PICALM: variants seen among roughly 807,000 people sequenced by gnomAD.
PICALM encodes phosphatidylinositol-binding clathrin assembly protein.
PICALM carries 40 observed loss-of-function variants against 80.5 expected under a neutral mutation model. The ratio of observed to expected loss-of-function variants is 0.50; its 90% CI spans 0.39 to 0.65. PICALM has a LOEUF of 0.65. Ranked by LOEUF, PICALM falls within the 30% of genes least tolerant of loss-of-function variation. PICALM has a pLI of 0.00. For synonymous variants in PICALM, 288 were observed against 260.3 expected (o/e 1.11, Z -1.02); for missense variants, 676 against 778.9 (o/e 0.87, Z 1.57).
chr11:85,995,648 A>T (rs2094935910), intron 12 of PICALM, among the ~76,000 whole-genome samples: 1 of 152,216 alleles, frequency 6.6e-6, no homozygotes, highest in African/African-American at 2.4e-5. Context: ...AAAGACTACT[A>T]CATTTCTTTA....
In PICALM at chr11:85,976,678, G is replaced by A; in HGVS notation, c.1784C>T (p.Pro595Leu). Reference protein sequence around the residue: ...TTAWNAATMAPPVMAYPATTP... With the variant: ...TTAWNAATMALPVMAYPATTP... ...AGTAGCAGGATAGGCCATTACAGGG[G>A]GTGCCTAACATAGTGAAAGGAAAAA... The change falls in exon 18 of 20, where the codon CCC (proline) becomes CTC (leucine). Residue 595 changes from proline (P) to leucine (L), a missense_variant. This residue lies in a region of PICALM where 391 missense variants were observed against 383.6 expected (regional missense o/e 1.02). Transcript: ENST00000393346. 1 of 1,586,978 alleles carries A rather than the reference G, an allele frequency of 6.3e-7. No homozygotes were observed. Among genetic ancestry groups the A allele is most frequent in the Non-Finnish European group, 8.7e-7 (1 of 1,155,788 alleles).
At chr11:86,065,456 T>A (rs554743117) in intron 1 of PICALM, among the ~76,000 whole-genome samples, 3 of 107,326 alleles carry the variant, frequency 2.8e-5, no homozygotes, top group South Asian at 4.7e-4. Context: ...AAAAAAAAAA[T>A]TTGTTTTTTC....
At chr11:86,044,986 A>G (rs1329454698) in intron 1 of PICALM, among the ~76,000 whole-genome samples, 1 of 152,240 alleles carries the variant, frequency 6.6e-6, no homozygotes, top group African/African-American at 2.4e-5. Flanking sequence ...GCCACTGAGT[A>G]ACAAGTGAAA....
chr11:85,981,730 AT>A lies in PICALM; in HGVS notation c.1679+14del, dbSNP rs2094448436. 1 of 1,590,580 alleles carries A rather than the reference AT, an allele frequency of 6.3e-7. No homozygotes were observed. ...ATAACACACGGAGAAAACAATGTGT[AT>A]ATTAAACACTCACTTCTTAGTGGTT... On this transcript the variant is annotated intron_variant, in intron 16 of 19. Coordinates refer to ENST00000393346, the MANE Select transcript of PICALM (RefSeq NM_007166.4).
chr11:86,031,091 C>T (rs548403362), intron 2 of PICALM, among the ~76,000 whole-genome samples: 1 of 152,286 alleles, frequency 6.6e-6, no homozygotes, highest in East Asian at 1.9e-4. Context: ...GCACCTCAGC[C>T]TGGGCAACAA....
intron 2 of PICALM, 104 bp from the exon 3 acceptor site, chr11:86,026,471 C>A: frequency 1.5e-6 from 1 of 646,272 alleles, no homozygotes; most frequent in South Asian, 1.8e-5. Flanking sequence ...TTAAGCTTAT[C>A]TAGTTTAAAT....
In PICALM at chr11:86,014,982, A is replaced by G. The variant is rs747671787; in HGVS notation, c.453-19T>C. On this transcript the variant is annotated intron_variant, in intron 4 of 19. Transcript: ENST00000393346. ...ATCAGCCCTGTTATGAAAAAACCAG[A>G]GAAATAAACAAATGAATCTGCAATT... 12 of 1,430,272 alleles carry G rather than the reference A, an allele frequency of 8.4e-6. 1 individual carries two copies. In the Admixed American group the frequency reaches 2.3e-4, roughly 28 times the overall value. 88.6% of individuals were successfully genotyped at this position (1,430,272 alleles called of 1,614,324 possible).
intron 7 of PICALM, among the ~76,000 whole-genome samples, chr11:86,009,584 C>T (rs1406597053): frequency 9.2e-5 from 14 of 152,038 alleles, no homozygotes; most frequent in African/African-American, 7.3e-5. Context: ...CCCAGCTACT[C>T]GGGAGGCTGA....
intron 1 of PICALM, among the ~76,000 whole-genome samples, chr11:86,062,334 T>C (rs2096381041): frequency 1.3e-5 from 2 of 152,094 alleles, no homozygotes; most frequent in Non-Finnish European, 2.9e-5. Flanking sequence ...CTGGCCAACA[T>C]GGTGAAGCCC....
chr11:86,008,446 C>T (rs1342148908), intron 7 of PICALM, among the ~76,000 whole-genome samples: 1 of 151,850 alleles, frequency 6.6e-6, no homozygotes, highest in East Asian at 1.9e-4. Flanking sequence ...ACAGTGAAAC[C>T]CCAGCTCTAC....
At chr11:86,043,008 G>A (rs997664190) in intron 1 of PICALM, among the ~76,000 whole-genome samples, 6 of 152,104 alleles carry the variant, frequency 3.9e-5, no homozygotes, top group African/African-American at 7.2e-5. Context: ...ATGACCAACC[G>A]TCCTGGTTTT....
intron 12 of PICALM, among the ~76,000 whole-genome samples, chr11:85,990,719 T>C (rs1376091974): frequency 6.6e-6 from 1 of 152,158 alleles, no homozygotes; most frequent in Non-Finnish European, 1.5e-5. Flanking sequence ...TTCCCTGTCC[T>C]AGGTGAGTGT....
intron 4 of PICALM, 113 bp from the exon 5 acceptor site, chr11:86,015,076 A>T (rs2095458805): frequency 3.1e-6 from 2 of 642,100 alleles, no homozygotes; most frequent in Non-Finnish European, 5.2e-6. Context: ...ATGAAATGTC[A>T]CATATTTTTA....
chr11:85,961,445 G>A (rs145520219), intron 19 of PICALM, among the ~76,000 whole-genome samples: 309 of 152,236 alleles, frequency 2.0e-3, no homozygotes, highest in African/African-American at 7.1e-3. Context: ...CTTCCTGTTT[G>A]GACAAATTTA....
At chr11:86,009,572 A>G (rs181756705) in intron 7 of PICALM, among the ~76,000 whole-genome samples, 244 of 152,234 alleles carry the variant, frequency 1.6e-3, no homozygotes, top group African/African-American at 5.5e-3. Context: ...GGCACCTGCA[A>G]TCCCAGCTAC....
At chr11:86,030,878 G>A (rs1398837200) in intron 2 of PICALM, among the ~76,000 whole-genome samples, 1 of 152,306 alleles carries the variant, frequency 6.6e-6, no homozygotes, top group East Asian at 1.9e-4. Flanking sequence ...ACTTTGGGAG[G>A]CTAAGGTGGG....
In PICALM at chr11:86,039,851, A is replaced by C. The variant is rs142745804; in HGVS notation, c.131-8240T>G. Among the ~76,000 whole-genome samples, 468 of 152,066 alleles carry C rather than the reference A, an allele frequency of 3.1e-3. 2 individuals carry two copies. The highest frequency in any genetic ancestry group is 0.011 in the African/African-American group (438 of 41,476). On this transcript the variant is annotated intron_variant, in intron 1 of 19. Coordinates refer to ENST00000393346, the MANE Select transcript of PICALM (RefSeq NM_007166.4). ...ATCCCATCTCTACTAAAAATACAAA[A>C]AAATTAGCTGGGCATGGTGGCGGGA...
intron 12 of PICALM, among the ~76,000 whole-genome samples, chr11:85,991,110 T>C (rs1343258825): frequency 6.6e-6 from 1 of 152,196 alleles, no homozygotes; most frequent in East Asian, 1.9e-4. Flanking sequence ...TATCTAAAGT[T>C]ATTCTAGAGT....
At chr11:86,014,184 A>G (rs1409510530) in intron 5 of PICALM, among the ~76,000 whole-genome samples, 6 of 152,200 alleles carry the variant, frequency 3.9e-5, no homozygotes, top group Admixed American at 1.3e-4. Context: ...AAAAACTAGC[A>G]ATTAAACAAT....
Sources: allele counts gnomAD v4.1 joint callset (sites outside exome capture counted in the v4.1 genomes callset), GRCh38; gene constraint gnomAD v4.1.1; regional missense constraint gnomAD v4.1.1; transcripts MANE v1.5; gene names NCBI Gene and HGNC (gene_info 2026-07-23, HGNC 2026-07-21).